The following ENPP6 variants were observed in gnomAD, a reference collection of about 807,000 sequenced individuals.
The protein encoded by ENPP6 is ectonucleotide pyrophosphatase/phosphodiesterase 6, also known as glycerophosphocholine cholinephosphodiesterase ENPP6.
A neutral mutation model predicts 42.0 loss-of-function variants in ENPP6; 32 were observed. That is an observed-to-expected ratio of 0.76 (90% CI 0.58 to 1.02). The LOEUF (loss-of-function observed/expected upper bound fraction) is 1.02, where lower values mean the gene tolerates loss of function less well. Among genes scored for constraint, ENPP6 ranks in the 50% least tolerant of loss-of-function variants. ENPP6 has a pLI of 0.00. For synonymous variants in ENPP6, 213 were observed against 216.0 expected, an observed-to-expected ratio of 0.99 and a Z score of 0.12; for missense variants, 552 against 566.8, an observed-to-expected ratio of 0.97 and a Z score of 0.27.
chr4:184,138,568 G>T (rs1736768007), intron 2 of ENPP6, among the ~76,000 whole-genome samples: 1 of 152,158 alleles, frequency 6.6e-6, no homozygotes, highest in African/African-American at 2.4e-5. Context: ...ATGAGTGAGA[G>T]GTATCTTTTT....
At chr4:184,215,816 A>T (rs1733186763) in intron 1 of ENPP6, among the ~76,000 whole-genome samples, 1 of 152,194 alleles carries the variant, frequency 6.6e-6, no homozygotes, top group Non-Finnish European at 1.5e-5. Flanking sequence ...TGTGCTGCCC[A>T]TAAAGGAAGG....
intron 3 of ENPP6, among the ~76,000 whole-genome samples, chr4:184,120,301 T>C (rs1230304347): frequency 1.3e-5 from 2 of 152,150 alleles, no homozygotes; most frequent in Non-Finnish European, 2.9e-5. Context: ...ATTCCTTCAT[T>C]AGTCCAGGCA....
intron 5 of ENPP6, among the ~76,000 whole-genome samples, chr4:184,113,941 TTCTTTCTTTCTTTCTTTCTTTCTC>T (rs1736266825): frequency 3.4e-5 from 5 of 148,870 alleles, no homozygotes; most frequent in Admixed American, 2.7e-4. Context: ...CTTTCTTTCT[TTCTTTCTTTCTTTCTTTCTTTCTC>T]TCTTTCTTTC....
chr4:184,179,675 CA>C (rs2111099224), intron 1 of ENPP6, among the ~76,000 whole-genome samples: 1 of 150,338 alleles, frequency 6.7e-6, no homozygotes, highest in East Asian at 1.9e-4. Context: ...CACAGTCTCT[CA>C]GACAACAGCA....
chr4:184,207,113 C>T (rs760964623), intron 1 of ENPP6, among the ~76,000 whole-genome samples: 9 of 152,196 alleles, frequency 5.9e-5, no homozygotes, highest in Admixed American at 1.3e-4. Flanking sequence ...ATTGAATTTC[C>T]CTGCACTTTA....
intron 2 of ENPP6, among the ~76,000 whole-genome samples, chr4:184,150,526 C>A (rs1737007234): frequency 6.6e-6 from 1 of 152,200 alleles, no homozygotes; most frequent in African/African-American, 2.4e-5. Context: ...TGCAGAGACA[C>A]ATGAGTGCTC....
chr4:184,191,415 T>A (rs1292626368), intron 1 of ENPP6, among the ~76,000 whole-genome samples: 1 of 152,228 alleles, frequency 6.6e-6, no homozygotes, highest in Non-Finnish European at 1.5e-5. Flanking sequence ...GCTCCCTGCT[T>A]GACTGAATCC....
At chr4:184,096,296 T>C (rs1347528039) in intron 7 of ENPP6, among the ~76,000 whole-genome samples, 2 of 152,228 alleles carry the variant, frequency 1.3e-5, no homozygotes, top group African/African-American at 4.8e-5. Flanking sequence ...ATGTGATGTG[T>C]AACCTATAAT....
rs777051632 is a variant in ENPP6 at position 184,115,807 on chromosome 4, C to T, written c.855+1049G>A. ...TCCCTTCATTCTTTACCCTCTTGTT[C>T]CCCGACAGAAACAGATCAGCCTGGC... On this transcript the variant is annotated intron_variant, in intron 5 of 7. Coordinates refer to ENST00000296741, the MANE Select transcript of ENPP6 (RefSeq NM_153343.4). 4.6e-5 allele frequency among the ~76,000 whole-genome samples: 7 copies of T among 152,288 alleles called. No homozygotes were observed. In the South Asian group the frequency reaches 1.0e-3, roughly 23 times the overall value.
At position 184,180,821 on chromosome 4, in the gene ENPP6, T is replaced by TA. The variant is rs1732539755; in HGVS notation, c.242-27089dup. Among the ~76,000 whole-genome samples, 4 of 152,230 alleles carry TA rather than the reference T, an allele frequency of 2.6e-5. No homozygotes were observed. In the South Asian group the frequency reaches 6.2e-4, roughly 24 times the overall value. On this transcript the variant is annotated intron_variant, in intron 1 of 7. Coordinates refer to ENST00000296741, the MANE Select transcript of ENPP6 (RefSeq NM_153343.4). ...GATAAAATTCAACATTCCTTCATGT[T>TA]AAAAACTCTCGATAAACTAGGTATT...
intron 7 of ENPP6, among the ~76,000 whole-genome samples, chr4:184,093,790 C>T (rs1735850501): frequency 6.6e-6 from 1 of 151,994 alleles, no homozygotes; most frequent in Admixed American, 6.6e-5. Context: ...CTTCCCTATC[C>T]GAGGAATCAA....
intron 7 of ENPP6, among the ~76,000 whole-genome samples, chr4:184,094,184 C>T (rs532177602): frequency 1.3e-5 from 2 of 152,258 alleles, no homozygotes; most frequent in East Asian, 1.9e-4. Context: ...GAGGCTGAGG[C>T]AGGAGGATCT....
intron 3 of ENPP6, among the ~76,000 whole-genome samples, chr4:184,122,388 G>A (rs1476672402): frequency 6.8e-6 from 1 of 146,452 alleles, no homozygotes; most frequent in Non-Finnish European, 1.5e-5. Flanking sequence ...AATACCTATG[G>A]TAGACACACA....
At chr4:184,205,483 G>C (rs909493686) in intron 1 of ENPP6, among the ~76,000 whole-genome samples, 1 of 152,260 alleles carries the variant, frequency 6.6e-6, no homozygotes, top group Non-Finnish European at 1.5e-5. Flanking sequence ...ACAAGCAAGC[G>C]AAGAGAAGGG....
At chr4:184,092,487 G>A (rs975180906) in intron 7 of ENPP6, among the ~76,000 whole-genome samples, 15 of 152,236 alleles carry the variant, frequency 9.9e-5, no homozygotes, top group Non-Finnish European at 2.1e-4. Flanking sequence ...GTGGCCACAC[G>A]CAGCACGGTG....
At chr4:184,137,351 C>A (rs1280717432) in intron 2 of ENPP6, among the ~76,000 whole-genome samples, 3 of 152,228 alleles carry the variant, frequency 2.0e-5, no homozygotes, top group Admixed American at 2.0e-4. Context: ...CCTGCCTCAG[C>A]CTCCCAGAGT....
intron 1 of ENPP6, among the ~76,000 whole-genome samples, chr4:184,188,438 C>A (rs550916158): frequency 7.9e-5 from 12 of 152,260 alleles, no homozygotes; most frequent in South Asian, 4.2e-4. Flanking sequence ...CCCATCCCCC[C>A]AAATTGACGA....
At chr4:184,208,641 A>G (rs1187393641) in intron 1 of ENPP6, among the ~76,000 whole-genome samples, 1 of 149,652 alleles carries the variant, frequency 6.7e-6, no homozygotes, top group Non-Finnish European at 1.5e-5. Context: ...ATCAAACTGC[A>G]AGGCGGCAGC....
chr4:184,199,124 C>T (rs748115840), intron 1 of ENPP6, among the ~76,000 whole-genome samples: 17 of 152,192 alleles, frequency 1.1e-4, no homozygotes, highest in Admixed American at 2.6e-4. Context: ...ACACAGATCA[C>T]GCTGCTTGGA....
Sources: allele counts gnomAD v4.1 joint callset (sites outside exome capture counted in the v4.1 genomes callset), GRCh38; gene constraint gnomAD v4.1.1; transcripts MANE v1.5; gene names NCBI Gene and HGNC (gene_info 2026-07-23, HGNC 2026-07-21).